CECR2: variants seen among roughly 807,000 people sequenced by gnomAD.
The protein encoded by CECR2 is CECR2 histone acetyl-lysine reader, also known as chromatin remodeling regulator CECR2.
Under a neutral mutation model 154.5 loss-of-function variants are expected in CECR2, and 30 were observed. That is an observed-to-expected ratio of 0.19 (90% confidence interval 0.15 to 0.26). The LOEUF (loss-of-function observed/expected upper bound fraction) is 0.26. Among genes scored for constraint, CECR2 ranks in the 10% least tolerant of loss-of-function variants. The probability of loss-of-function intolerance (pLI) is 1.00; values close to 1 mark genes in which losing one functional copy is unlikely to be tolerated. For synonymous variants in CECR2, 725 were observed against 683.7 expected (o/e 1.06, Z -0.94); for missense variants, 1,743 against 1,829.3 (o/e 0.95, Z 0.86).
chr22:17,508,676 G>A (rs1195823045), intron 7 of CECR2, among the ~76,000 whole-genome samples: 1 of 151,978 alleles, frequency 6.6e-6, no homozygotes, highest in African/African-American at 2.4e-5. Context: ...GGACCCTCAG[G>A]CTGTACCCCA....
At chr22:17,386,920 G>A (rs1165595692) in intron 1 of CECR2, among the ~76,000 whole-genome samples, 1 of 152,078 alleles carries the variant, frequency 6.6e-6, no homozygotes, top group Admixed American at 6.5e-5. Flanking sequence ...TACAGTGCTG[G>A]GATTACAGGT....
At chr22:17,425,608 T>A (rs1420418221) in intron 1 of CECR2, among the ~76,000 whole-genome samples, 1 of 152,110 alleles carries the variant, frequency 6.6e-6, no homozygotes, top group Non-Finnish European at 1.5e-5. Flanking sequence ...CAGCAGAGCT[T>A]GAGTTAAATG....
At chr22:17,520,790 T>G (rs1004735804) in intron 8 of CECR2, among the ~76,000 whole-genome samples, 11 of 152,192 alleles carry the variant, frequency 7.2e-5, no homozygotes, top group African/African-American at 2.7e-4. Flanking sequence ...TAGTATTCCA[T>G]GGTGTATATG....
At chr22:17,543,720 C>T (rs1039251518) in intron 16 of CECR2, among the ~76,000 whole-genome samples, 7 of 151,944 alleles carry the variant, frequency 4.6e-5, no homozygotes, top group African/African-American at 7.3e-5. Context: ...CCACCACACC[C>T]GGCTAATTTT....
chr22:17,517,658 A>G (rs1239137824), intron 8 of CECR2, among the ~76,000 whole-genome samples: 3 of 152,212 alleles, frequency 2.0e-5, no homozygotes, highest in Non-Finnish European at 4.4e-5. Flanking sequence ...AGGTTCATAC[A>G]CTGAAGCCAG....
chr22:17,431,943 C>T (rs1416600576), intron 1 of CECR2, among the ~76,000 whole-genome samples: 1 of 152,112 alleles, frequency 6.6e-6, no homozygotes, highest in Non-Finnish European at 1.5e-5. Context: ...ACTCCACTCA[C>T]GTTTTTCCCC....
intron 8 of CECR2, among the ~76,000 whole-genome samples, chr22:17,520,302 T>TATAG (rs1180871710): frequency 1.3e-5 from 2 of 152,110 alleles, no homozygotes; most frequent in Admixed American, 1.3e-4. Context: ...ATGTTTGATA[T>TATAG]ATAGATATAC....
At chr22:17,465,699 G>C (rs1177945786) in intron 1 of CECR2, among the ~76,000 whole-genome samples, 1 of 152,022 alleles carries the variant, frequency 6.6e-6, no homozygotes, top group Non-Finnish European at 1.5e-5. Flanking sequence ...TGGCCAGGCT[G>C]GTCATGAACT....
At chr22:17,400,850 A>G (rs1311738900) in intron 1 of CECR2, among the ~76,000 whole-genome samples, 2 of 152,150 alleles carry the variant, frequency 1.3e-5, no homozygotes, top group African/African-American at 4.8e-5. Flanking sequence ...TCATGGGCTC[A>G]AGCAGTCCTC....
rs922437126 is a variant in CECR2, at chr22:17,372,067, C to T, written c.126+2158C>T. Among the ~76,000 whole-genome samples the T allele has an allele frequency of 8.5e-5, 13 of 152,308 alleles. No individual in the cohort carries two copies. In the South Asian group the frequency reaches 1.2e-3, roughly 15 times the overall value. On this transcript the variant is annotated intron_variant, in intron 1 of 18. Coordinates refer to ENST00000262608, the MANE Select transcript of CECR2 (RefSeq NM_001290047.2). Reference sequence around the variant, plus strand: ...TTGATATGACTGTCCTCTCTTTTGACTCCAGTGTTTCTTGGAAATGACACT... The same window carrying T: ...TTGATATGACTGTCCTCTCTTTTGATTCCAGTGTTTCTTGGAAATGACACT...
chr22:17,552,774 GT>G (rs695569), intron 18 of CECR2, 60 bp from the exon 19 acceptor site: 7,477 of 935,244 alleles, frequency 8.0e-3, no homozygotes, highest in Non-Finnish European at 8.8e-3. Flanking sequence ...GCTTACTTAA[GT>G]TTTTTTTTTT....
chr22:17,502,800 C>A (rs2055762777), intron 5 of CECR2, among the ~76,000 whole-genome samples: 1 of 152,062 alleles, frequency 6.6e-6, no homozygotes, highest in African/African-American at 2.4e-5. Context: ...AAGACTCCGT[C>A]TCAAAAAAAT....
At chr22:17,538,814 A>G in intron 12 of CECR2, 83 bp downstream of exon 12, 1 of 1,308,854 alleles carries the variant, frequency 7.6e-7, no homozygotes, top group Non-Finnish European at 1.1e-6. Context: ...TTAAATATAT[A>G]TATATTTTGA....
chr22:17,399,065 A>G (rs1289277352), intron 1 of CECR2, among the ~76,000 whole-genome samples: 2 of 152,160 alleles, frequency 1.3e-5, no homozygotes, highest in East Asian at 1.9e-4. Flanking sequence ...CATTTGAGCA[A>G]GGTTCCCAGG....
intron 1 of CECR2, among the ~76,000 whole-genome samples, chr22:17,371,968 T>G (rs2063066578): frequency 1.3e-5 from 2 of 152,206 alleles, no homozygotes; most frequent in South Asian, 4.1e-4. Flanking sequence ...AAATGTAAAC[T>G]GATTAAAGAG....
At chr22:17,423,399 C>G (rs2054285920) in intron 1 of CECR2, among the ~76,000 whole-genome samples, 1 of 151,964 alleles carries the variant, frequency 6.6e-6, no homozygotes, top group South Asian at 2.1e-4. Context: ...CCCAGCTACT[C>G]AGGAGGCTGA....
chr22:17,430,168 G>A (rs2054399085), intron 1 of CECR2, among the ~76,000 whole-genome samples: 1 of 152,162 alleles, frequency 6.6e-6, no homozygotes, highest in Non-Finnish European at 1.5e-5. Flanking sequence ...AAATGCTGCT[G>A]TTATCATTTT....
rs1329893941 is a variant in CECR2, at chr22:17,553,128, C to T, written c.*288C>T. 4 of 441,332 alleles carry T rather than the reference C, an allele frequency of 9.1e-6. No individual in the cohort carries two copies. The highest frequency in any genetic ancestry group is 6.8e-4 in the Middle Eastern group (1 of 1,472). 27.3% of individuals were successfully genotyped at this position (441,332 alleles called of 1,614,324 possible). A position where few individuals can be genotyped will look rare whatever the true frequency, so the allele number is the denominator to read the frequency against. Reference sequence around the variant, plus strand: ...GGAGTTAATGATGACTTTTCCAAATCCTGAGACACTTTTCAGGGAAAATCA... The same window carrying T: ...GGAGTTAATGATGACTTTTCCAAATTCTGAGACACTTTTCAGGGAAAATCA... On this transcript the variant is annotated 3_prime_UTR_variant, in exon 19 of 19. Transcript: ENST00000262608.
intron 1 of CECR2, among the ~76,000 whole-genome samples, chr22:17,373,167 A>G (rs1033530505): frequency 2.8e-4 from 42 of 152,108 alleles, no homozygotes; most frequent in African/African-American, 1.0e-3. Flanking sequence ...GGTTCAGGTG[A>G]TTCTCCCGCC....
Sources: gnomAD v4.1 joint callset for allele counts (sites outside exome capture counted in the v4.1 genomes callset) on GRCh38, gnomAD v4.1.1 for gene constraint, MANE v1.5 for transcripts, NCBI Gene and HGNC (gene_info 2026-07-23, HGNC 2026-07-21) for gene names.